Variants in HAAO observed in about 807,000 individuals in gnomAD.
The protein encoded by HAAO is 3-hydroxyanthranilate oxygenase.
HAAO carries 49 observed loss-of-function variants against 46.2 expected under a neutral mutation model. The observed-to-expected ratio is 1.06, with a 90% CI of 0.84 to 1.34. HAAO has a LOEUF of 1.34. Among genes scored for constraint, HAAO ranks in the 40% most tolerant of loss-of-function variants. HAAO has a pLI of 0.00. For missense variants in HAAO, 408 were observed against 364.5 expected (o/e 1.12, Z -0.97); for synonymous variants, 157 against 145.2 (o/e 1.08, Z -0.58).
At chr2:42,781,591 G>A (rs1672002477) in intron 4 of HAAO, among the ~76,000 whole-genome samples, 1 of 152,130 alleles carries the variant, frequency 6.6e-6, no homozygotes, top group African/African-American at 2.4e-5. Context: ...AATTATTCTT[G>A]GCCAGGTGTG....
intron 3 of HAAO, 95 bp from the exon 4 acceptor site, chr2:42,783,515 G>C (rs1356883691): frequency 8.8e-6 from 7 of 791,266 alleles, no homozygotes; most frequent in Admixed American, 4.2e-5. Flanking sequence ...CTGACCCCCG[G>C]GCAGCAAAGG....
chr2:42,771,906 T>C (rs1049487660), intron 4 of HAAO, among the ~76,000 whole-genome samples: 3 of 152,254 alleles, frequency 2.0e-5, no homozygotes, highest in Admixed American at 6.5e-5. Flanking sequence ...GAAAGCTTCA[T>C]AACTGGATGG....
intron 4 of HAAO, among the ~76,000 whole-genome samples, chr2:42,775,880 T>A: frequency 7.2e-6 from 1 of 138,496 alleles, no homozygotes; most frequent in Admixed American, 7.2e-5. Context: ...TTTTTTTTTT[T>A]ACTAAAATAG....
chr2:42,779,893 A>T (rs1404353920), intron 4 of HAAO, among the ~76,000 whole-genome samples: 3 of 152,224 alleles, frequency 2.0e-5, no homozygotes, highest in African/African-American at 7.2e-5. Flanking sequence ...TATAAAAATT[A>T]TACAGGAAGC....
intron 1 of HAAO, 118 bp downstream of exon 1, chr2:42,792,339 T>C (rs1248974517): frequency 1.8e-6 from 1 of 550,026 alleles, no homozygotes; most frequent in African/African-American, 2.0e-5. Flanking sequence ...ACCAAGAGAT[T>C]AAAGCGGTCC....
chr2:42,787,770 G>A (rs1672497884), intron 2 of HAAO, among the ~76,000 whole-genome samples: 1 of 152,188 alleles, frequency 6.6e-6, no homozygotes, highest in Admixed American at 6.5e-5. Flanking sequence ...AGGATGGGGA[G>A]CCCCTCTACT....
chr2:42,783,249 A>C (rs1672143259), intron 4 of HAAO, 65 bp downstream of exon 4: 2 of 945,262 alleles, frequency 2.1e-6, no homozygotes, highest in Non-Finnish European at 3.4e-6. Flanking sequence ...CTTCAGCTGC[A>C]GTTTGGAGCT....
rs763934911 is a variant in HAAO, at chr2:42,774,984, C to A, written c.351-4402G>T. On this transcript the variant is annotated intron_variant, in intron 4 of 9. Coordinates refer to ENST00000294973, the MANE Select transcript of HAAO (RefSeq NM_012205.3). ...ACGAAAAGGGCCGGGCACAGTGGCT[C>A]ACACCTGTAATCCCAGCACTTTGGG... Among the ~76,000 whole-genome samples, 7 of 152,154 alleles carry A rather than the reference C, an allele frequency of 4.6e-5. No individual in the cohort carries two copies. In the South Asian group the frequency reaches 1.4e-3, roughly 32 times the overall value.
chr2:42,785,892 C>G (rs976790466), intron 2 of HAAO, among the ~76,000 whole-genome samples: 1 of 151,988 alleles, frequency 6.6e-6, no homozygotes, highest in Non-Finnish European at 1.5e-5. Flanking sequence ...CAAACATGAA[C>G]AAACAAAAAC....
chr2:42,783,635 G>A, intron 3 of HAAO, 149 bp downstream of exon 3: 1 of 725,802 alleles, frequency 1.4e-6, no homozygotes. Context: ...GAGGAAGGAT[G>A]GGGAAGGGGC....
Position 42,767,491 on chromosome 2 carries a change from G to A in HAAO, c.807C>T (p.Gly269=), listed in dbSNP as rs752364472. Residue 269 remains glycine, a synonymous_variant, in exon 10 of 10, where the codon GGC becomes GGT. Transcript: ENST00000294973. Reference sequence around the variant, plus strand: ...CCTGGGTCACAGACAGGGCCACAGAGCCTTGTGTTCGCTCCCAGGCATACC... The same window carrying A: ...CCTGGGTCACAGACAGGGCCACAGAACCTTGTGTTCGCTCCCAGGCATACC... ...GTSYAWERTQ[G]SVALSVTQDP... is the part of the protein sequence containing the mutation. The A allele has an allele frequency of 1.2e-6, 2 of 1,613,006 alleles. No homozygotes were observed. The highest frequency in any genetic ancestry group is 1.7e-6 in the Non-Finnish European group (2 of 1,179,558).
At chr2:42,775,806 G>A (rs552722738) in intron 4 of HAAO, among the ~76,000 whole-genome samples, 12 of 147,498 alleles carry the variant, frequency 8.1e-5, no homozygotes, top group Admixed American at 3.4e-4. Context: ...CCCCAAGAAT[G>A]TAAAAAGATA....
intron 4 of HAAO, among the ~76,000 whole-genome samples, chr2:42,773,958 C>A (rs1239224671): frequency 6.6e-6 from 1 of 152,218 alleles, no homozygotes; most frequent in Non-Finnish European, 1.5e-5. Flanking sequence ...ATTGCCTCCT[C>A]TGGAGAGACT....
intron 1 of HAAO, among the ~76,000 whole-genome samples, chr2:42,789,728 C>T (rs1479529191): frequency 6.6e-6 from 1 of 152,168 alleles, no homozygotes; most frequent in Non-Finnish European, 1.5e-5. Flanking sequence ...GGCATCTAGT[C>T]AGCTGTTTGG....
chr2:42,776,231 C>CT (rs57398023), intron 4 of HAAO, among the ~76,000 whole-genome samples: 9,170 of 71,246 alleles, frequency 0.13, 1,309 homozygotes, highest in African/African-American at 0.27. Flanking sequence ...TGGCATCCAT[C>CT]TTTTTTTTTT....
intron 5 of HAAO, 118 bp from the exon 6 acceptor site, chr2:42,770,304 T>C (rs1671011087): frequency 4.3e-6 from 4 of 921,488 alleles, no homozygotes. Flanking sequence ...CTCATGGGGC[T>C]CTCACACAGC....
intron 5 of HAAO, 146 bp downstream of exon 5, chr2:42,770,347 G>A (rs1235459422): frequency 1.1e-6 from 1 of 871,084 alleles, no homozygotes. Flanking sequence ...TCCCAGCGGG[G>A]CTGCTGCTCC....
chr2:42,787,521 C>A (rs937917708), intron 2 of HAAO, among the ~76,000 whole-genome samples: 2 of 152,132 alleles, frequency 1.3e-5, no homozygotes, highest in African/African-American at 4.8e-5. Flanking sequence ...GGTGCAGGGC[C>A]CCTGGAGCGT....
intron 1 of HAAO, 130 bp downstream of exon 1, chr2:42,792,327 G>A (rs571940132): frequency 1.2e-4 from 61 of 522,998 alleles, no homozygotes; most frequent in African/African-American, 1.1e-3. Flanking sequence ...CTTCCCCCAA[G>A]AACCAAGAGA....
Sources: gnomAD v4.1 joint callset for allele counts (sites outside exome capture counted in the v4.1 genomes callset) on GRCh38, gnomAD v4.1.1 for gene constraint, MANE v1.5 for transcripts, NCBI Gene and HGNC (gene_info 2026-07-23, HGNC 2026-07-21) for gene names.